The following SLC9A4 variants were observed in gnomAD, a reference collection of about 807,000 sequenced individuals.
SLC9A4 encodes solute carrier family 9 member A4, also known as sodium/hydrogen exchanger 4.
In SLC9A4, 63 loss-of-function variants were observed where a neutral mutation model predicts 67.4. That is an observed-to-expected ratio of 0.93 (90% CI 0.76 to 1.15). The LOEUF (loss-of-function observed/expected upper bound fraction) is 1.15, where lower values mean the gene tolerates loss of function less well. Among genes scored for constraint, SLC9A4 ranks in the 50% most tolerant of loss-of-function variants. The probability of loss-of-function intolerance (pLI) is 0.00; values close to 1 mark genes in which losing one functional copy is unlikely to be tolerated. For missense variants in SLC9A4, 1,089 were observed against 987.7 expected (o/e 1.10, Z -1.38); for synonymous variants, 393 against 367.2 (o/e 1.07, Z -0.80).
At position 102,532,695 on chromosome 2, in the gene SLC9A4, T is replaced by C. The variant is rs202140998; in HGVS notation, c.*7T>C. 1.2e-5 allele frequency: 19 copies of C among 1,608,290 alleles called. No individual in the cohort carries two copies. Among genetic ancestry groups the C allele is most frequent in the Admixed American group, 5.0e-5 (3 of 59,498 alleles). ...TTTGCTCCAAAAAAAATAGTGTTATTGTCCACAAGATTGTTTTGGTGTTTC... is the reference window on the plus strand; with the variant it reads ...TTTGCTCCAAAAAAAATAGTGTTATCGTCCACAAGATTGTTTTGGTGTTTC... On this transcript the variant is annotated 3_prime_UTR_variant, in exon 12 of 12. Coordinates refer to ENST00000295269, the MANE Select transcript of SLC9A4 (RefSeq NM_001011552.4).
chr2:102,502,563 C>A (rs780726176), intron 2 of SLC9A4, among the ~76,000 whole-genome samples: 2 of 152,214 alleles, frequency 1.3e-5, no homozygotes, highest in African/African-American at 4.8e-5. Flanking sequence ...AGGAAGGACA[C>A]GCTTGGGAGG....
chr2:102,494,410 G>T (rs996387756), intron 2 of SLC9A4, among the ~76,000 whole-genome samples: 1 of 149,110 alleles, frequency 6.7e-6, no homozygotes, highest in African/African-American at 2.6e-5. Context: ...ATGAATGCAG[G>T]AAGAGACAAT....
At chr2:102,519,834 G>A (rs748000099) in intron 8 of SLC9A4, 25 bp from the exon 9 acceptor site, 2 of 1,609,464 alleles carry the variant, frequency 1.2e-6, no homozygotes, top group South Asian at 2.2e-5. Context: ...AATAATGTTT[G>A]TCTCTTCTCC....
At chr2:102,519,716 T>G in intron 8 of SLC9A4, 143 bp from the exon 9 acceptor site, 1 of 635,948 alleles carries the variant, frequency 1.6e-6, no homozygotes, top group Admixed American at 3.5e-5. Flanking sequence ...CAAACCAACT[T>G]ACTAGAACAA....
intron 6 of SLC9A4, among the ~76,000 whole-genome samples, chr2:102,510,081 T>C (rs987017230): frequency 6.6e-6 from 1 of 152,056 alleles, no homozygotes; most frequent in African/African-American, 2.4e-5. Context: ...GCTTATAGAA[T>C]TGTGAGGGTC....
At chr2:102,488,333 T>C (rs916971443) in intron 2 of SLC9A4, among the ~76,000 whole-genome samples, 14 of 152,120 alleles carry the variant, frequency 9.2e-5, no homozygotes, top group Middle Eastern at 3.2e-3. Context: ...GCTTCCTCCA[T>C]GGTTGCATAA....
chr2:102,508,041 A>G, intron 4 of SLC9A4, 38 bp from the exon 5 acceptor site: 2 of 1,598,054 alleles, frequency 1.3e-6, no homozygotes, highest in Non-Finnish European at 1.7e-6. Context: ...CTGCTCGTTC[A>G]TGATCCTCTG....
intron 9 of SLC9A4, among the ~76,000 whole-genome samples, chr2:102,524,691 A>G (rs952595205): frequency 3.9e-5 from 6 of 152,054 alleles, no homozygotes; most frequent in African/African-American, 1.4e-4. Flanking sequence ...TATTAAATTC[A>G]CTGGCCTGGC....
chr2:102,497,576 C>T (rs571538767), intron 2 of SLC9A4, among the ~76,000 whole-genome samples: 4 of 151,970 alleles, frequency 2.6e-5, no homozygotes, highest in South Asian at 2.1e-4. Context: ...TAAATAAGCC[C>T]GAAAAAAGGA....
At chr2:102,514,544 C>G (rs1400374766) in intron 8 of SLC9A4, among the ~76,000 whole-genome samples, 1 of 152,156 alleles carries the variant, frequency 6.6e-6, no homozygotes, top group Non-Finnish European at 1.5e-5. Flanking sequence ...GCATATTTTA[C>G]AAGACTGTCT....
intron 2 of SLC9A4, among the ~76,000 whole-genome samples, chr2:102,482,585 C>G (rs1410691901): frequency 6.6e-6 from 1 of 152,158 alleles, no homozygotes; most frequent in Non-Finnish European, 1.5e-5. Flanking sequence ...CCCTCTGACC[C>G]ATGATGTGTC....
intron 2 of SLC9A4, among the ~76,000 whole-genome samples, chr2:102,498,823 G>C (rs1156461758): frequency 1.3e-5 from 2 of 152,164 alleles, no homozygotes; most frequent in Admixed American, 1.3e-4. Flanking sequence ...AATAGACCAG[G>C]ATTTTAGCAG....
intron 9 of SLC9A4, among the ~76,000 whole-genome samples, chr2:102,524,352 A>G (rs1298263366): frequency 6.6e-6 from 1 of 152,246 alleles, no homozygotes; most frequent in Non-Finnish European, 1.5e-5. Flanking sequence ...GCATTTTGCA[A>G]ACATCTGTCT....
chr2:102,489,883 C>A (rs1305604283), intron 2 of SLC9A4, among the ~76,000 whole-genome samples: 1 of 152,138 alleles, frequency 6.6e-6, no homozygotes, highest in Non-Finnish European at 1.5e-5. Context: ...GTTGGAAAGT[C>A]AGAGAAGGTG....
At chr2:102,503,154 G>A (rs2104432417) in intron 2 of SLC9A4, among the ~76,000 whole-genome samples, 1 of 152,322 alleles carries the variant, frequency 6.6e-6, no homozygotes, top group East Asian at 1.9e-4. Flanking sequence ...AAATGGAAGG[G>A]TTCATTTGGA....
rs191111640 is a variant in SLC9A4 at position 102,473,439 on chromosome 2, G to A, written c.-321G>A. 7 of 321,586 alleles carry A rather than the reference G, an allele frequency of 2.2e-5. No homozygotes were observed. Among genetic ancestry groups the A allele is most frequent in the Non-Finnish European group, 4.0e-5 (7 of 173,328 alleles). The allele number at this position is 321,586 out of a possible 1,614,324, so 19.9% of individuals were successfully genotyped here. A position where few individuals can be genotyped will look rare whatever the true frequency, so the allele number is the denominator to read the frequency against. On this transcript the variant is annotated 5_prime_UTR_variant, in exon 1 of 12. Coordinates refer to ENST00000295269, the MANE Select transcript of SLC9A4 (RefSeq NM_001011552.4). ...ATGAGGAAATGCCTTTAAGTGAAGA[G>A]ATTTTTATTTCTTTCATAAATTGCT... is the stretch of plus-strand genomic sequence containing the variant.
At position 102,473,882 on chromosome 2, in the gene SLC9A4, A is replaced by G; in HGVS notation, c.123A>G (p.Ala41=). The change falls in exon 1 of 12, where the codon GCA becomes GCG. Residue 41 remains alanine (A), a synonymous_variant. Transcript: ENST00000295269. ...CTGCAAATTCCACTGCTCAGTATGC[A>G]TCTAACGCTTGGTTTGCTGCTGCCA... is the stretch of plus-strand genomic sequence containing the variant. ...NESANSTAQY[A]SNAWFAAASS... 1 of 1,614,132 alleles carries G rather than the reference A, an allele frequency of 6.2e-7. No homozygotes were observed. Among genetic ancestry groups the G allele is most frequent in the Middle Eastern group, 1.6e-4 (1 of 6,062 alleles).
chr2:102,524,986 G>A (rs746825448), intron 9 of SLC9A4, 38 bp from the exon 10 acceptor site: 3 of 1,611,584 alleles, frequency 1.9e-6, no homozygotes, highest in Non-Finnish European at 2.5e-6. Context: ...GTTGTATGGA[G>A]GAGTCCTTAC....
rs758122552 is a variant in SLC9A4, at chr2:102,479,258, A to G, written c.676A>G (p.Met226Val). 7.9e-5 allele frequency: 127 copies of G among 1,613,896 alleles called. No individual in the cohort carries two copies. The Middle Eastern group carries it at 8.2e-4, about 10-fold the overall frequency. ...EEARVNEQLY[M>V]MIFGEALLND... ...AGCGCGCGTGAACGAGCAGCTCTAC[A>G]TGATGATCTTTGGGGAGGCCCTGCT... The change falls in exon 2 of 12, where the codon ATG (methionine) becomes GTG (valine). Residue 226 changes from methionine to valine, a missense_variant. Coordinates refer to ENST00000295269, the MANE Select transcript of SLC9A4 (RefSeq NM_001011552.4).
Sources: allele counts gnomAD v4.1 joint callset (sites outside exome capture counted in the v4.1 genomes callset), GRCh38; gene constraint gnomAD v4.1.1; transcripts MANE v1.5; gene names NCBI Gene and HGNC (gene_info 2026-07-23, HGNC 2026-07-21).